The following SLC12A5 variants were observed in gnomAD, a reference collection of about 807,000 sequenced individuals.
SLC12A5 encodes K-Cl cotransporter 2.
SLC12A5 carries 18 observed loss-of-function variants against 124.0 expected under a neutral mutation model. The ratio of observed to expected loss-of-function variants is 0.15; its 90% confidence interval spans 0.10 to 0.22. SLC12A5 has a LOEUF of 0.22. SLC12A5 is among the 10% of genes least tolerant of loss of function. The pLI, the probability that SLC12A5 is intolerant of heterozygous loss-of-function variation, is 1.00. For synonymous variants in SLC12A5, 589 were observed against 568.0 expected (o/e 1.04, Z -0.53); for missense variants, 867 against 1,478.7 (o/e 0.59, Z 6.78).
chr20:46,033,129 G>C (rs2084467870), intron 1 of SLC12A5, among the ~76,000 whole-genome samples: 1 of 152,074 alleles, frequency 6.6e-6, no homozygotes, highest in Non-Finnish European at 1.5e-5. Flanking sequence ...TTTTAGTCAG[G>C]AAGAGATTGG....
At chr20:46,032,456 G>A (rs2084462514) in intron 1 of SLC12A5, among the ~76,000 whole-genome samples, 1 of 152,242 alleles carries the variant, frequency 6.6e-6, no homozygotes, top group Non-Finnish European at 1.5e-5. Context: ...CTGGAGATGT[G>A]GGATGGGGAG....
upstream of SLC12A5, chr20:46,028,874 T>A (rs1446894575): frequency 6.4e-6 from 1 of 155,372 alleles, no homozygotes; most frequent in Non-Finnish European, 1.4e-5. Flanking sequence ...CTGCCGTTAT[T>A]TTTAGGGCGC....
At chr20:46,027,597 A>G (rs964060943), upstream of SLC12A5, 1 of 152,038 alleles carries the variant, frequency 6.6e-6, no homozygotes, top group Non-Finnish European at 1.5e-5. Flanking sequence ...GAGCACAAGA[A>G]AAGGAATAAA....
rs1178142111 is a variant in SLC12A5, at chr20:46,044,959, A to G, written c.1395-7A>G. ...TCACCTGGCATCTCCTGTCCACATC[A>G]TTCCAGGTTTGGCGAAGCTGTGAAT... On this transcript the variant is annotated splice_region_variant and splice_polypyrimidine_tract_variant and intron_variant, in intron 11 of 25. Transcript: ENST00000243964. The G allele has an allele frequency of 2.5e-6, 4 of 1,614,172 alleles. No individual in the cohort carries two copies. Among genetic ancestry groups the G allele is most frequent in the African/African-American group, 1.3e-5 (1 of 75,048 alleles).
intron 14 of SLC12A5, among the ~76,000 whole-genome samples, chr20:46,046,656 G>A (rs140529886): frequency 3.3e-5 from 5 of 152,218 alleles, no homozygotes. Flanking sequence ...AGCGGTCTCA[G>A]CTGGAATCTC....
chr20:46,056,701 T>C lies in SLC12A5; in HGVS notation c.3110+137T>C. On this transcript the variant is annotated intron_variant, in intron 23 of 25. Transcript: ENST00000243964. The surrounding 1 kb of genome is among the most constrained non-coding windows in gnomAD (Gnocchi z 4.3). Reference sequence around the variant, plus strand: ...CTCAGACATTGTCTTGGTTTCTCCATCTGAGGACTTAGGGGGTTGGGCCCC... The same window carrying C: ...CTCAGACATTGTCTTGGTTTCTCCACCTGAGGACTTAGGGGGTTGGGCCCC... 2 of 1,148,598 alleles carry C rather than the reference T, an allele frequency of 1.7e-6. No homozygotes were observed. Among genetic ancestry groups the C allele is most frequent in the South Asian group, 3.0e-5 (2 of 66,620 alleles). The allele number at this position is 1,148,598 out of a possible 1,614,324, so 71.2% of individuals were successfully genotyped here.
intron 6 of SLC12A5, among the ~76,000 whole-genome samples, chr20:46,039,826 T>C (rs1352905653): frequency 6.6e-6 from 1 of 151,578 alleles, no homozygotes; most frequent in African/African-American, 2.4e-5. Flanking sequence ...ACAACAACAA[T>C]AAAAAACCAA....
chr20:46,052,879 C>G, intron 18 of SLC12A5, 78 bp from the exon 19 acceptor site: 1 of 1,466,758 alleles, frequency 6.8e-7, no homozygotes, highest in South Asian at 1.4e-5. Flanking sequence ...CTGCCAGGAG[C>G]CCTTGTGGCT....
In SLC12A5 at chr20:46,057,475, G is replaced by C; in HGVS notation, c.3260-39G>C. 2 of 1,611,446 alleles carry C rather than the reference G, an allele frequency of 1.2e-6. No individual in the cohort carries two copies. Among genetic ancestry groups the C allele is most frequent in the Non-Finnish European group, 1.7e-6 (2 of 1,177,616 alleles). ...GAGCGCGACCCCAATTTCGTCGGGAGGGAAGGAGACCGGGTCTTTCTCCTT... is the reference window on the plus strand; with the variant it reads ...GAGCGCGACCCCAATTTCGTCGGGACGGAAGGAGACCGGGTCTTTCTCCTT... On this transcript the variant is annotated intron_variant, in intron 25 of 25. Coordinates refer to ENST00000243964, the MANE Select transcript of SLC12A5 (RefSeq NM_020708.5). The surrounding 1 kb of genome is among the most constrained non-coding windows in gnomAD (Gnocchi z 7.1).
At chr20:46,032,236 G>A (rs2084459701) in intron 1 of SLC12A5, among the ~76,000 whole-genome samples, 2 of 152,364 alleles carry the variant, frequency 1.3e-5, no homozygotes, top group African/African-American at 4.8e-5. Flanking sequence ...GGGCCACCTA[G>A]TTGCAGGGTC....
chr20:46,051,573 G>A (rs2084646898), intron 17 of SLC12A5, 102 bp from the exon 18 acceptor site: 8 of 1,103,736 alleles, frequency 7.2e-6, no homozygotes, highest in Non-Finnish European at 1.1e-5. Context: ...CAGGAAGATT[G>A]GGATGAAAGG....
intron 6 of SLC12A5, among the ~76,000 whole-genome samples, chr20:46,040,161 C>G (rs925033758): frequency 6.6e-6 from 1 of 152,238 alleles, no homozygotes; most frequent in Non-Finnish European, 1.5e-5. Flanking sequence ...AGCCACCATG[C>G]CTGGCCTTAT....
intron 17 of SLC12A5, 31 bp from the exon 18 acceptor site, chr20:46,051,644 G>T: frequency 6.3e-7 from 1 of 1,589,848 alleles, no homozygotes; most frequent in South Asian, 1.2e-5. Flanking sequence ...GGAGGCCTGA[G>T]GCTGGTCCTT....
chr20:46,056,486 A>G lies in SLC12A5; in HGVS notation c.3032A>G (p.Asp1011Gly). The G allele has an allele frequency of 6.2e-7, 1 of 1,614,172 alleles. No individual in the cohort carries two copies. The highest frequency in any genetic ancestry group is 8.5e-7 in the Non-Finnish European group (1 of 1,180,010). Residue 1011 changes from aspartate (D) to glycine (G), a missense_variant, in exon 23 of 26, where the codon GAC (aspartate) becomes GGC (glycine). Physicochemically the swap from Asp to Gly is moderately conservative, Grantham distance 94. Around this residue, in one of 9 missense-constraint regions of SLC12A5, gnomAD observed 180 missense variants for 243.6 expected, o/e 0.74. Transcript: ENST00000243964. This position sits in a 1 kb window ranked among gnomAD's most constrained non-coding sequence, Gnocchi z 4.3. ...AAGGTGCATCTCACCTGGACCAAGG[A>G]CAAGTCGGTGGCAGAGAAGAATAAG... ...PEKVHLTWTKDKSVAEKNKGP... is the reference protein window; with the variant it reads ...PEKVHLTWTKGKSVAEKNKGP...
chr20:46,055,062 G>A (rs746329851), intron 21 of SLC12A5, 39 bp downstream of exon 21: 2 of 1,508,778 alleles, frequency 1.3e-6, no homozygotes, highest in Non-Finnish European at 1.8e-6. Flanking sequence ...GCCTCAAACT[G>A]CTGCCAGTTC....
At position 46,051,709 on chromosome 20, in the gene SLC12A5, A is replaced by G; in HGVS notation, c.2216A>G (p.Lys739Arg). The change falls in exon 18 of 26, where the codon AAG becomes AGG. Residue 739 changes from lysine to arginine, a missense_variant. Lys to Arg is a conservative substitution (Grantham distance 26, BLOSUM62 2). Coordinates refer to ENST00000243964, the MANE Select transcript of SLC12A5 (RefSeq NM_020708.5). Reference protein sequence around the residue: ...IRRLMEAEKVKGFCQVVISSN... With the variant: ...IRRLMEAEKVRGFCQVVISSN... ...CGCCTGATGGAGGCAGAGAAGGTGAAGGGCTTCTGCCAGGTGGTGATCTCC... is the reference window on the plus strand; with the variant it reads ...CGCCTGATGGAGGCAGAGAAGGTGAGGGGCTTCTGCCAGGTGGTGATCTCC... The G allele has an allele frequency of 6.2e-7, 1 of 1,609,044 alleles. No homozygotes were observed. The highest frequency in any genetic ancestry group is 8.5e-7 in the Non-Finnish European group (1 of 1,177,712).
intron 15 of SLC12A5, 27 bp from the exon 16 acceptor site, chr20:46,047,954 T>C: frequency 1.3e-6 from 2 of 1,583,366 alleles, no homozygotes; most frequent in East Asian, 2.3e-5. Flanking sequence ...CTTTCTGCTC[T>C]CATGTGATCC....
In SLC12A5 at chr20:46,041,483, C is replaced by G; in HGVS notation, c.1009C>G (p.Arg337Gly). ...CGCCACCTGTGATGAATACTTCACC[C>G]GAAACAATGTCACAGAGATCCAGGG... Reference protein sequence around the residue: ...LNATCDEYFTRNNVTEIQGIP... With the variant: ...LNATCDEYFTGNNVTEIQGIP... The change falls in exon 8 of 26, where the codon CGA becomes GGA. Residue 337 changes from arginine (R) to glycine (G), a missense_variant. Physicochemically the swap from Arg to Gly is moderately radical, Grantham distance 125. Coordinates refer to ENST00000243964, the MANE Select transcript of SLC12A5 (RefSeq NM_020708.5). 1.2e-6 allele frequency: 2 copies of G among 1,614,058 alleles called. No individual in the cohort carries two copies. The highest frequency in any genetic ancestry group is 1.7e-6 in the Non-Finnish European group (2 of 1,180,004).
chr20:46,036,222 A>G lies in SLC12A5; in HGVS notation c.426+299A>G, dbSNP rs561761211. 291 of 332,088 alleles carry G rather than the reference A, an allele frequency of 8.8e-4. 1 individual carries two copies. Among genetic ancestry groups the G allele is most frequent in the Admixed American group, 1.4e-3 (31 of 22,828 alleles). 20.6% of individuals were successfully genotyped at this position (332,088 alleles called of 1,614,324 possible). A position where few individuals can be genotyped will look rare whatever the true frequency, so the allele number is the denominator to read the frequency against. ...TAAAATTCACCTATAATCTTACAAT[A>G]GTTAACATTTTGGCAGGTCCAGACT... On this transcript the variant is annotated intron_variant, in intron 4 of 25. Transcript: ENST00000243964.
Sources: gnomAD v4.1 joint callset for allele counts (sites outside exome capture counted in the v4.1 genomes callset) on GRCh38, gnomAD v4.1.1 for gene constraint, gnomAD v4.1.1 regional missense constraint, Gnocchi (gnomAD v3.1) non-coding constraint, MANE v1.5 for transcripts, NCBI Gene and HGNC (gene_info 2026-07-23, HGNC 2026-07-21) for gene names.